TINAG: variants seen among roughly 807,000 people sequenced by gnomAD.
TINAG encodes the protein tubulointerstitial nephritis antigen.
A neutral mutation model predicts 72.7 loss-of-function variants in TINAG; 83 were observed. That is an observed-to-expected ratio of 1.14 (90% CI 0.96 to 1.37). The LOEUF is 1.37. Ranked by LOEUF, TINAG falls within the 40% of genes most tolerant of loss-of-function variation. The pLI is 0.00. For missense variants in TINAG, 685 were observed against 576.6 expected (o/e 1.19, Z -1.93); for synonymous variants, 234 against 189.9 (o/e 1.23, Z -1.91).
chr6:54,339,343 C>G (rs1441614949), intron 4 of TINAG, among the ~76,000 whole-genome samples: 1 of 152,168 alleles, frequency 6.6e-6, no homozygotes, highest in Non-Finnish European at 1.5e-5. Context: ...TGCCCAGCAC[C>G]TTTATTTCCA....
intron 4 of TINAG, among the ~76,000 whole-genome samples, chr6:54,342,059 T>C (rs1562161781): frequency 1.4e-5 from 2 of 141,276 alleles, no homozygotes; most frequent in Non-Finnish European, 3.2e-5. Context: ...CAGAAATGAT[T>C]GGGGTGTGTG....
chr6:54,326,611 A>G (rs1784608033), intron 3 of TINAG, among the ~76,000 whole-genome samples, 191 bp from the exon 4 acceptor site: 1 of 152,174 alleles, frequency 6.6e-6, no homozygotes, highest in South Asian at 2.1e-4. Flanking sequence ...TAGGAAGAGT[A>G]TCTCATACCC....
At chr6:54,355,791 A>G (rs983092644) in intron 9 of TINAG, among the ~76,000 whole-genome samples, 1 of 150,494 alleles carries the variant, frequency 6.6e-6, no homozygotes, top group Non-Finnish European at 1.5e-5. Context: ...CCTCTGTTGA[A>G]ATCTTGGAGT....
chr6:54,387,779 C>G (rs959985532), intron 10 of TINAG, among the ~76,000 whole-genome samples: 2 of 151,996 alleles, frequency 1.3e-5, no homozygotes, highest in African/African-American at 4.8e-5. Flanking sequence ...GCCACCATTT[C>G]CTTTATAATT....
intron 9 of TINAG, among the ~76,000 whole-genome samples, chr6:54,364,879 T>C (rs943234153): frequency 6.6e-6 from 1 of 151,464 alleles, no homozygotes; most frequent in Non-Finnish European, 1.5e-5. Flanking sequence ...AATGTATTTT[T>C]ACCATATTTT....
At chr6:54,364,254 A>G (rs957280056) in intron 9 of TINAG, among the ~76,000 whole-genome samples, 1 of 151,514 alleles carries the variant, frequency 6.6e-6, no homozygotes, top group African/African-American at 2.4e-5. Flanking sequence ...GCTCATCTGT[A>G]TGCAAAGAGA....
intron 9 of TINAG, among the ~76,000 whole-genome samples, chr6:54,360,436 A>G (rs182395554): frequency 1.8e-4 from 27 of 151,790 alleles, no homozygotes; most frequent in African/African-American, 6.5e-4. Flanking sequence ...AGATGTTAAA[A>G]TGTCATAAAA....
chr6:54,370,710 C>T (rs552843686), intron 9 of TINAG, among the ~76,000 whole-genome samples: 13 of 152,156 alleles, frequency 8.5e-5, no homozygotes, highest in African/African-American at 3.1e-4. Flanking sequence ...TTGAGCTGAA[C>T]TCACTGTCGG....
At chr6:54,320,118 T>G (rs1456005920) in intron 1 of TINAG, among the ~76,000 whole-genome samples, 2 of 152,110 alleles carry the variant, frequency 1.3e-5, no homozygotes. Flanking sequence ...TTTGTCTTTG[T>G]AAGGTAAATT....
chr6:54,323,681 A>T (rs1784542162), intron 3 of TINAG, among the ~76,000 whole-genome samples: 1 of 152,202 alleles, frequency 6.6e-6, no homozygotes, highest in Non-Finnish European at 1.5e-5. Flanking sequence ...TGGCCTGGCG[A>T]AGTGGCTTAT....
At position 54,383,263 on chromosome 6, in the gene TINAG, A is replaced by G. The variant is rs1351612230; in HGVS notation, c.1296+2692A>G. On this transcript the variant is annotated intron_variant, in intron 10 of 10. Transcript: ENST00000259782. Reference sequence around the variant, plus strand: ...ACAATGTTTTGTGGGTCAGGAAAGCAAAAACTTTATTCAAGAGCACTGAGA... The same window carrying G: ...ACAATGTTTTGTGGGTCAGGAAAGCGAAAACTTTATTCAAGAGCACTGAGA... 3.3e-5 allele frequency among the ~76,000 whole-genome samples: 5 copies of G among 152,174 alleles called. No individual in the cohort carries two copies. The South Asian group carries it at 1.0e-3, about 31-fold the overall frequency.
chr6:54,345,577 C>T (rs759062185), intron 5 of TINAG, among the ~76,000 whole-genome samples: 5 of 151,988 alleles, frequency 3.3e-5, no homozygotes, highest in Admixed American at 6.6e-5. Flanking sequence ...TTTAAAATTT[C>T]GATTTCTTTC....
chr6:54,318,382 A>G (rs981479316), intron 1 of TINAG, among the ~76,000 whole-genome samples: 1 of 151,944 alleles, frequency 6.6e-6, no homozygotes, highest in Admixed American at 6.6e-5. Context: ...TTTCTTTATT[A>G]CTCAAGCCAA....
intron 9 of TINAG, among the ~76,000 whole-genome samples, chr6:54,359,764 G>A (rs777328767): frequency 1.3e-5 from 2 of 151,714 alleles, no homozygotes; most frequent in Non-Finnish European, 2.9e-5. Context: ...CCTGAGCATT[G>A]GTAGGTGCCC....
intron 9 of TINAG, among the ~76,000 whole-genome samples, chr6:54,358,822 A>G (rs1042677042): frequency 2.0e-5 from 3 of 151,908 alleles, no homozygotes; most frequent in Non-Finnish European, 4.4e-5. Context: ...TTCTAGTATG[A>G]GATTTCTTTT....
intron 9 of TINAG, among the ~76,000 whole-genome samples, chr6:54,369,387 G>C (rs1198605101): frequency 2.0e-5 from 3 of 151,762 alleles, no homozygotes; most frequent in Non-Finnish European, 4.4e-5. Flanking sequence ...CAAAAGCTTT[G>C]TTTCATGCTT....
At chr6:54,372,135 A>G (rs1763636209) in intron 9 of TINAG, among the ~76,000 whole-genome samples, 1 of 151,388 alleles carries the variant, frequency 6.6e-6, no homozygotes, top group Non-Finnish European at 1.5e-5. Context: ...GGGATTGCAG[A>G]CACCTGCCAC....
intron 10 of TINAG, among the ~76,000 whole-genome samples, chr6:54,383,717 A>T (rs1037505530): frequency 1.3e-5 from 2 of 152,202 alleles, no homozygotes; most frequent in African/African-American, 2.4e-5. Context: ...CCATTATTTT[A>T]AAAAATTAAG....
chr6:54,347,790 T>C (rs1019856941), intron 6 of TINAG, among the ~76,000 whole-genome samples: 2 of 152,086 alleles, frequency 1.3e-5, no homozygotes, highest in African/African-American at 4.8e-5. Flanking sequence ...ATTTTCTTTT[T>C]GTTGTTCTGA....
Sources: gnomAD v4.1 joint callset for allele counts (sites outside exome capture counted in the v4.1 genomes callset) on GRCh38, gnomAD v4.1.1 for gene constraint, MANE v1.5 for transcripts, NCBI Gene and HGNC (gene_info 2026-07-23, HGNC 2026-07-21) for gene names.